Variants in IL4I1 observed in about 807,000 individuals in gnomAD.
IL4I1 encodes interleukin 4 induced 1.
In IL4I1, 24 loss-of-function variants were observed where a neutral mutation model predicts 29.7. That is an observed-to-expected ratio of 0.81 (90% CI 0.59 to 1.14). The LOEUF is 1.14. Among genes scored for constraint, IL4I1 ranks in the 50% most tolerant of loss-of-function variants. IL4I1 has a pLI of 0.00. For missense variants in IL4I1, 686 were observed against 785.6 expected, an observed-to-expected ratio of 0.87 and a Z score of 1.52; for synonymous variants, 371 against 352.5, an observed-to-expected ratio of 1.05 and a Z score of -0.59.
chr19:49,920,649 C>T (rs542102171), intron 2 of IL4I1, among the ~76,000 whole-genome samples: 1 of 152,306 alleles, frequency 6.6e-6, no homozygotes, highest in South Asian at 2.1e-4. Flanking sequence ...ACGGCTCGGG[C>T]AGAGTTTCTA....
chr19:49,897,628 C>T (rs1299500629), upstream of IL4I1, among the ~76,000 whole-genome samples: 1 of 152,164 alleles, frequency 6.6e-6, no homozygotes, highest in Non-Finnish European at 1.5e-5. Flanking sequence ...AGTGACCACC[C>T]GGCAGAGGGA....
upstream of IL4I1, among the ~76,000 whole-genome samples, chr19:49,899,618 G>T (rs553466879): frequency 3.7e-4 from 56 of 150,832 alleles, no homozygotes; most frequent in Admixed American, 3.2e-3. Context: ...GTGTAGTGGC[G>T]CTATCTTGGC....
chr19:49,890,937 C>CCCCCCCCCCCCCCCCCCCCCCCCG, intron 7 of IL4I1, 34 bp downstream of exon 7: 1 of 160,026 alleles, frequency 6.2e-6, no homozygotes, highest in South Asian at 6.4e-5. Flanking sequence ...TTGCCCCCCG[C>CCCCCCCCCCCCCCCCCCCCCCCCG]CCCCCCCCCC....
intron 2 of IL4I1, among the ~76,000 whole-genome samples, chr19:49,905,228 G>T (rs2075306521): frequency 6.6e-6 from 1 of 152,190 alleles, no homozygotes; most frequent in Admixed American, 6.5e-5. Flanking sequence ...GTACACTTTG[G>T]AAATACATGC....
rs2075759380 is a variant in IL4I1 at position 49,921,277 on chromosome 19, G to A, written c.-228+6417C>T. Among the ~76,000 whole-genome samples, 1 of 152,124 alleles carries A rather than the reference G, an allele frequency of 6.6e-6. No individual in the cohort carries two copies. The highest frequency in any genetic ancestry group is 1.5e-5 in the Non-Finnish European group (1 of 68,022). ...AAAGTCCCACAACCAGTAAGGGCTG[G>A]CCCAGGTGTCTGGCCCCACAGCTGA... On this transcript the variant is annotated intron_variant, in intron 2 of 9. Transcript: ENST00000341114. This position sits in a 1 kb window ranked among gnomAD's most constrained non-coding sequence, Gnocchi z 5.4.
At chr19:49,909,465 C>T in intron 2 of IL4I1, 2 of 1,614,106 alleles carry the variant, frequency 1.2e-6, no homozygotes, top group Non-Finnish European at 8.5e-7. Context: ...CTGCCCAGCC[C>T]AAAGCCGCTG....
intron 2 of IL4I1, among the ~76,000 whole-genome samples, chr19:49,919,219 CAAA>C (rs1368413250): frequency 1.3e-5 from 2 of 152,164 alleles, no homozygotes. Flanking sequence ...TCAAAAGGTA[CAAA>C]AGGGAATAGT....
At chr19:49,924,182 G>A (rs2075829490) in intron 2 of IL4I1, among the ~76,000 whole-genome samples, 1 of 152,200 alleles carries the variant, frequency 6.6e-6, no homozygotes, top group Non-Finnish European at 1.5e-5. Context: ...CAGCATGGTG[G>A]AGGCTGAGGT....
At chr19:49,914,103 C>T (rs1037932498) in intron 2 of IL4I1, among the ~76,000 whole-genome samples, 1 of 152,164 alleles carries the variant, frequency 6.6e-6, no homozygotes, top group African/African-American at 2.4e-5. Context: ...AATCCCAGTA[C>T]TTTCGGAGGC....
chr19:49,891,566 T>G, intron 5 of IL4I1, 93 bp from the exon 6 acceptor site: 2 of 1,126,898 alleles, frequency 1.8e-6, no homozygotes, highest in South Asian at 1.2e-5. Flanking sequence ...TCCTCGTGGT[T>G]CTGCCCACGG....
At chr19:49,925,511 G>C (rs2075866682) in intron 2 of IL4I1, among the ~76,000 whole-genome samples, 1 of 151,034 alleles carries the variant, frequency 6.6e-6, no homozygotes, top group Admixed American at 6.6e-5. Flanking sequence ...ATCCCAGTCT[G>C]AGACAAAACC....
upstream of IL4I1, among the ~76,000 whole-genome samples, chr19:49,899,589 C>T (rs145264086): frequency 0.019 from 2,821 of 150,832 alleles, 38 homozygotes; most frequent in Non-Finnish European, 0.027. Flanking sequence ...CGGAGTCTCA[C>T]TCTGTCACCC....
chr19:49,909,220 T>C lies in IL4I1; in HGVS notation c.-227-4899A>G. ...GCTGTGTGGCACCTGCTGTGGTGGC[T>C]GCTGGCGTGGCCGGAGTGAAGGGCA... is the stretch of plus-strand genomic sequence containing the variant. On this transcript the variant is annotated intron_variant, in intron 2 of 9. Transcript: ENST00000341114. The C allele has an allele frequency of 1.9e-6, 3 of 1,614,022 alleles. No individual in the cohort carries two copies. In the South Asian group the frequency reaches 3.3e-5, roughly 18 times the overall value.
In IL4I1 at chr19:49,894,337, C is replaced by T; in HGVS notation, c.498G>A (p.Leu166=). 6.2e-7 allele frequency: 1 copy of T among 1,614,236 alleles called. No homozygotes were observed. Among genetic ancestry groups the T allele is most frequent in the Non-Finnish European group, 8.5e-7 (1 of 1,180,048 alleles). Residue 166 remains leucine, a synonymous_variant, in exon 5 of 8, where the codon CTG becomes CTA. Transcript: ENST00000391826. ...TTTCCTGGGGACGCAAGGCGTAGCC[C>T]AGCTTCTCGGGCACCTTCTCCACCA... ...NYVVEKVPEK[L]GYALRPQEKG...
intron 2 of IL4I1, chr19:49,907,473 C>T: frequency 2.3e-6 from 1 of 438,584 alleles, no homozygotes; most frequent in Admixed American, 2.6e-5. Flanking sequence ...TGGTGGTTAG[C>T]ATGGTTAGCT....
At chr19:49,913,608 T>G (rs1466750239) in intron 2 of IL4I1, among the ~76,000 whole-genome samples, 2 of 152,226 alleles carry the variant, frequency 1.3e-5, no homozygotes, top group African/African-American at 2.4e-5. Flanking sequence ...TCTCTCTACC[T>G]GCAGAGGAGA....
chr19:49,908,099 C>T, intron 2 of IL4I1: 1 of 1,486,200 alleles, frequency 6.7e-7, no homozygotes, highest in South Asian at 1.3e-5. Context: ...GCAAAGCACA[C>T]AGCGATCATG....
chr19:49,905,665 C>T (rs964226179), intron 2 of IL4I1, among the ~76,000 whole-genome samples: 3 of 152,090 alleles, frequency 2.0e-5, no homozygotes, highest in African/African-American at 4.8e-5. Context: ...GGCATGATCT[C>T]GGCTCACTGC....
intron 2 of IL4I1, among the ~76,000 whole-genome samples, chr19:49,926,269 C>T (rs10420032): frequency 0.12 from 18,491 of 149,402 alleles, 1,446 homozygotes; most frequent in East Asian, 0.38. Context: ...TGGCTCATGC[C>T]TGTAAATCCC....
Sources: gnomAD v4.1 joint callset for allele counts (sites outside exome capture counted in the v4.1 genomes callset) on GRCh38, gnomAD v4.1.1 for gene constraint, Gnocchi (gnomAD v3.1) non-coding constraint, MANE v1.5 for transcripts, NCBI Gene and HGNC (gene_info 2026-07-23, HGNC 2026-07-21) for gene names.